SLC7A1: variants seen among roughly 807,000 people sequenced by gnomAD.
SLC7A1 encodes the protein high affinity cationic amino acid transporter 1.
Under a neutral mutation model 53.9 loss-of-function variants are expected in SLC7A1, and 10 were observed. That is an observed-to-expected ratio of 0.19 (90% CI 0.11 to 0.31). SLC7A1 has a LOEUF of 0.31. SLC7A1 is among the 10% of genes least tolerant of loss of function. SLC7A1 has a pLI of 1.00. For missense variants in SLC7A1, 525 were observed against 827.2 expected (o/e 0.63, Z 4.48); for synonymous variants, 342 against 338.7 (o/e 1.01, Z -0.11).
At chr13:29,515,028 G>A (rs890323410) in intron 12 of SLC7A1, among the ~76,000 whole-genome samples, 1 of 152,234 alleles carries the variant, frequency 6.6e-6, no homozygotes, top group African/African-American at 2.4e-5. Context: ...CTGAGCGTCA[G>A]ACTGCAGGAG....
intron 1 of SLC7A1, among the ~76,000 whole-genome samples, chr13:29,579,710 T>C (rs1352774372): frequency 1.3e-5 from 2 of 152,188 alleles, no homozygotes; most frequent in Non-Finnish European, 2.9e-5. Flanking sequence ...TTTCCAGAGC[T>C]GCACTGGAAA....
rs1389491616 is a variant in SLC7A1, at chr13:29,514,009, G to C, written c.*471C>G. 6.1e-6 allele frequency: 1 copy of C among 163,458 alleles called. No homozygotes were observed. Among genetic ancestry groups the C allele is most frequent in the African/African-American group, 2.4e-5 (1 of 41,834 alleles). The allele number at this position is 163,458 out of a possible 1,614,324, so 10.1% of individuals were successfully genotyped here. On this transcript the variant is annotated 3_prime_UTR_variant, in exon 13 of 13. Coordinates refer to ENST00000380752, the MANE Select transcript of SLC7A1 (RefSeq NM_003045.5). ...GGTGGGGAGCTGCTGGGGACACACT[G>C]TTTTGTGGTACTCATCTGGCTTGAT... is the stretch of plus-strand genomic sequence containing the variant.
At chr13:29,595,253 G>A (rs934007451) in intron 1 of SLC7A1, among the ~76,000 whole-genome samples, 163 bp downstream of exon 1, 2 of 151,992 alleles carry the variant, frequency 1.3e-5, no homozygotes, top group African/African-American at 4.8e-5. Flanking sequence ...GGGCCCGCCC[G>A]GCCCTGGTCC....
intron 2 of SLC7A1, among the ~76,000 whole-genome samples, chr13:29,551,503 C>G (rs1033095029): frequency 6.6e-6 from 1 of 152,150 alleles, no homozygotes; most frequent in African/African-American, 2.4e-5. Context: ...TGCCCCAACA[C>G]CACCCAAGGG....
At chr13:29,537,038 C>A (rs942659020) in intron 2 of SLC7A1, among the ~76,000 whole-genome samples, 31 of 152,356 alleles carry the variant, frequency 2.0e-4, no homozygotes, top group African/African-American at 7.2e-4. Flanking sequence ...AACCTACGGG[C>A]CCACCTTGCC....
intron 1 of SLC7A1, among the ~76,000 whole-genome samples, chr13:29,560,099 T>C (rs1197233802): frequency 6.6e-6 from 1 of 152,200 alleles, no homozygotes; most frequent in Non-Finnish European, 1.5e-5. Context: ...ATTTTTTATG[T>C]CCTTATTCTA....
At chr13:29,520,890 G>C (rs1344665940) in intron 8 of SLC7A1, among the ~76,000 whole-genome samples, 2 of 152,226 alleles carry the variant, frequency 1.3e-5, no homozygotes, top group African/African-American at 4.8e-5. Flanking sequence ...CATGTGAGGT[G>C]ATTTTAGAAA....
At chr13:29,582,588 C>A (rs1414430724) in intron 1 of SLC7A1, among the ~76,000 whole-genome samples, 1 of 152,206 alleles carries the variant, frequency 6.6e-6, no homozygotes, top group Non-Finnish European at 1.5e-5. Context: ...GGTCTCCCTG[C>A]AGTTGTTCCA....
chr13:29,595,107 C>T (rs1399115713), intron 1 of SLC7A1, among the ~76,000 whole-genome samples: 1 of 151,746 alleles, frequency 6.6e-6, no homozygotes, highest in African/African-American at 2.4e-5. Flanking sequence ...GACAGGCGCG[C>T]GGAGCGGGCA....
chr13:29,590,683 C>T (rs977100008), intron 1 of SLC7A1, among the ~76,000 whole-genome samples: 21 of 152,282 alleles, frequency 1.4e-4, no homozygotes, highest in Admixed American at 1.2e-3. Flanking sequence ...CTCAGAGGCC[C>T]GCATCCCTCC....
chr13:29,590,658 C>A (rs752096563), intron 1 of SLC7A1, among the ~76,000 whole-genome samples: 3 of 152,178 alleles, frequency 2.0e-5, no homozygotes. Flanking sequence ...GGATGGTGAA[C>A]CTGTCAGCAG....
At chr13:29,516,959 T>C in intron 11 of SLC7A1, 185 bp downstream of exon 11, 1 of 513,692 alleles carries the variant, frequency 1.9e-6, no homozygotes, top group Non-Finnish European at 3.4e-6. Flanking sequence ...GAAGGGCTGC[T>C]GCCTCCTTCC....
In SLC7A1 at chr13:29,535,850, G is replaced by C. The variant is rs376160148; in HGVS notation, c.339C>G (p.Thr113=). 6.2e-7 allele frequency: 1 copy of C among 1,614,112 alleles called. No homozygotes were observed. Among genetic ancestry groups the C allele is most frequent in the Non-Finnish European group, 8.5e-7 (1 of 1,179,984 alleles). ...VTVGELWAFI[T]GWNLILSYII... ...TGTAGGAGAGGATTAAGTTCCAGCC[G>C]GTGATGAAGGCCCAGAGCTCTCCAA... Residue 113 remains threonine, a synonymous_variant, in exon 3 of 13, where the codon ACC becomes ACG. Coordinates refer to ENST00000380752, the MANE Select transcript of SLC7A1 (RefSeq NM_003045.5).
At chr13:29,576,578 G>A (rs1245295116) in intron 1 of SLC7A1, among the ~76,000 whole-genome samples, 3 of 152,218 alleles carry the variant, frequency 2.0e-5, no homozygotes, top group African/African-American at 7.2e-5. Flanking sequence ...GGAGGGGACA[G>A]GACAGGATGT....
chr13:29,521,545 C>A (rs547013175), intron 8 of SLC7A1, among the ~76,000 whole-genome samples: 1 of 152,308 alleles, frequency 6.6e-6, no homozygotes, highest in Admixed American at 6.5e-5. Context: ...AGTGGGCTGA[C>A]GTCTGCCTTT....
At chr13:29,585,885 A>C (rs1382617045) in intron 1 of SLC7A1, among the ~76,000 whole-genome samples, 1 of 152,166 alleles carries the variant, frequency 6.6e-6, no homozygotes, top group African/African-American at 2.4e-5. Context: ...TTAGATAACT[A>C]TCCATTAGAA....
At chr13:29,551,894 T>C (rs931626207) in intron 2 of SLC7A1, among the ~76,000 whole-genome samples, 1 of 152,146 alleles carries the variant, frequency 6.6e-6, no homozygotes, top group African/African-American at 2.4e-5. Context: ...TGCACCTTTG[T>C]TTCTGACATT....
chr13:29,547,788 C>T (rs1593558934), intron 2 of SLC7A1, among the ~76,000 whole-genome samples: 1 of 152,188 alleles, frequency 6.6e-6, no homozygotes, highest in South Asian at 2.1e-4. Flanking sequence ...GTACACGGGG[C>T]TTCATTATGC....
At chr13:29,530,883 G>A (rs111274505) in intron 4 of SLC7A1, among the ~76,000 whole-genome samples, 171 bp from the exon 5 acceptor site, 6 of 152,122 alleles carry the variant, frequency 3.9e-5, no homozygotes, top group Non-Finnish European at 7.4e-5. Flanking sequence ...TTCTGGGGGC[G>A]GGGATCAGGG....
Sources: gnomAD v4.1 joint callset for allele counts (sites outside exome capture counted in the v4.1 genomes callset) on GRCh38, gnomAD v4.1.1 for gene constraint, MANE v1.5 for transcripts, NCBI Gene and HGNC (gene_info 2026-07-23, HGNC 2026-07-21) for gene names.